Variants in RAB3GAP2 observed in about 807,000 individuals in gnomAD.
The protein encoded by RAB3GAP2 is rab3 GTPase-activating protein non-catalytic subunit.
RAB3GAP2 carries 87 observed loss-of-function variants against 185.3 expected under a neutral mutation model. That is an observed-to-expected ratio of 0.47 (90% CI 0.39 to 0.56). RAB3GAP2 has a LOEUF of 0.56. Among genes scored for constraint, RAB3GAP2 ranks in the 20% least tolerant of loss-of-function variants. The pLI is 0.00. For missense variants in RAB3GAP2, 1,492 were observed against 1,638.2 expected, an observed-to-expected ratio of 0.91 and a Z score of 1.54; for synonymous variants, 554 against 576.1, an observed-to-expected ratio of 0.96 and a Z score of 0.55.
intron 1 of RAB3GAP2, chr1:220,267,730 T>G: frequency 6.4e-7 from 1 of 1,568,846 alleles, no homozygotes; most frequent in Non-Finnish European, 8.8e-7. Flanking sequence ...GAGACAAGCT[T>G]TTGTGCTTGC....
chr1:220,157,470 C>A lies in RAB3GAP2; in HGVS notation c.3355G>T (p.Glu1119Ter). 6.2e-7 allele frequency: 1 copy of A among 1,613,518 alleles called. No individual in the cohort carries two copies. Among genetic ancestry groups the A allele is most frequent in the Non-Finnish European group, 8.5e-7 (1 of 1,180,006 alleles). ...GTATCCAGCACAGGCACCTGTATTT[C>A]ATCCCTGCTAACATCTGCCTAAGGG... ...ILMEADVSRD[E>*]IQVPVLDTED... Residue 1119 changes from glutamate to a stop codon, truncating the protein, a stop_gained, in exon 31 of 35, where the codon GAA becomes TAA. Transcript: ENST00000358951. LOFTEE classifies it high-confidence loss of function.
intron 1 of RAB3GAP2, chr1:220,267,181 T>TA: frequency 2.0e-6 from 2 of 1,022,114 alleles, no homozygotes; most frequent in Non-Finnish European, 3.1e-6. Context: ...TGAATGACAG[T>TA]AAGACAGGGC....
At chr1:220,258,488 C>T (rs553547692) in intron 1 of RAB3GAP2, among the ~76,000 whole-genome samples, 2 of 152,304 alleles carry the variant, frequency 1.3e-5, no homozygotes, top group East Asian at 3.9e-4. Flanking sequence ...CAAAAAACCA[C>T]ATGAATACCT....
chr1:220,166,672 G>A (rs1351898277), intron 26 of RAB3GAP2, among the ~76,000 whole-genome samples: 7 of 152,156 alleles, frequency 4.6e-5, no homozygotes, highest in African/African-American at 1.2e-4. Context: ...AGTGGCTACC[G>A]AAAGCAATAG....
At chr1:220,179,395 A>G (rs1450152834) in intron 21 of RAB3GAP2, among the ~76,000 whole-genome samples, 2 of 152,224 alleles carry the variant, frequency 1.3e-5, no homozygotes, top group African/African-American at 4.8e-5. Flanking sequence ...ATAGATCTAA[A>G]GGGAGAGACA....
chr1:220,171,861 G>C lies in RAB3GAP2; in HGVS notation c.2577+28C>G, dbSNP rs902621467. On this transcript the variant is annotated intron_variant, in intron 23 of 34. Transcript: ENST00000358951. ...CCCCTTAGCCTACTGGATGTGTACA[G>C]ATCAAAGCCATACCTTTACCCACTT... The C allele has an allele frequency of 2.5e-6, 4 of 1,613,824 alleles. No homozygotes were observed. In the African/African-American group the frequency reaches 5.3e-5, roughly 22 times the overall value.
chr1:220,155,484 C>T (rs575193662), intron 31 of RAB3GAP2, among the ~76,000 whole-genome samples: 45 of 152,304 alleles, frequency 3.0e-4, no homozygotes, highest in African/African-American at 9.9e-4. Flanking sequence ...ATCTGTTACT[C>T]GATAGTTCCC....
intron 1 of RAB3GAP2, among the ~76,000 whole-genome samples, chr1:220,249,230 G>A (rs1398429310): frequency 2.0e-5 from 3 of 152,110 alleles, no homozygotes; most frequent in Non-Finnish European, 2.9e-5. Flanking sequence ...AGGAAGAGGT[G>A]GGAAAGTTTG....
intron 1 of RAB3GAP2, among the ~76,000 whole-genome samples, chr1:220,236,179 T>A (rs965291232): frequency 2.6e-5 from 4 of 151,862 alleles, no homozygotes; most frequent in Non-Finnish European, 4.4e-5. Flanking sequence ...TATTTTTATT[T>A]TTTATTTATT....
At chr1:220,193,156 C>G (rs1231382886) in intron 13 of RAB3GAP2, 84 bp downstream of exon 13, 1 of 1,526,344 alleles carries the variant, frequency 6.6e-7, no homozygotes, top group Non-Finnish European at 9.0e-7. Flanking sequence ...GAGTTATCAT[C>G]CAGAAGCTGA....
Position 220,159,932 on chromosome 1 carries a change from A to C in RAB3GAP2, c.3226-511T>G, listed in dbSNP as rs12568807. ...CTCGGGAGGCTGAGGCAGGGGAATC[A>C]CTTGAACTCAGGAGGTAGAGGTTGC... On this transcript the variant is annotated intron_variant, in intron 28 of 34. Transcript: ENST00000358951. Among the ~76,000 whole-genome samples the C allele has an allele frequency of 5.6e-3, 850 of 152,008 alleles. 28 individuals carry two copies. Among genetic ancestry groups the C allele is most frequent in the East Asian group, 0.053 (275 of 5,150 alleles).
chr1:220,156,054 G>A (rs1397144838), intron 31 of RAB3GAP2, among the ~76,000 whole-genome samples: 3 of 151,670 alleles, frequency 2.0e-5, no homozygotes, highest in Non-Finnish European at 4.4e-5. Flanking sequence ...AGGTTCAAGC[G>A]ATTATCCTGC....
chr1:220,180,058 A>T (rs1658372331), intron 21 of RAB3GAP2, among the ~76,000 whole-genome samples: 2 of 152,130 alleles, frequency 1.3e-5, no homozygotes, highest in African/African-American at 2.4e-5. Flanking sequence ...GCTACTCAGG[A>T]GGCTGAGGCA....
chr1:220,186,136 T>G (rs1420195437), intron 17 of RAB3GAP2, among the ~76,000 whole-genome samples: 1 of 152,132 alleles, frequency 6.6e-6, no homozygotes, highest in Non-Finnish European at 1.5e-5. Context: ...GCCAAAAACT[T>G]AGTTATACCT....
intron 27 of RAB3GAP2, among the ~76,000 whole-genome samples, chr1:220,163,563 CATG>C (rs1571876828): frequency 1.3e-5 from 2 of 151,000 alleles, no homozygotes; most frequent in African/African-American, 4.9e-5. Flanking sequence ...AGGGTTTCAC[CATG>C]TTAGCCAGGA....
At chr1:220,246,690 T>C (rs1454705103) in intron 1 of RAB3GAP2, among the ~76,000 whole-genome samples, 2 of 132,236 alleles carry the variant, frequency 1.5e-5, no homozygotes, top group East Asian at 2.3e-4. Flanking sequence ...AAACACCGCA[T>C]ATTCTCACTC....
rs375262214 is a variant in RAB3GAP2, at chr1:220,196,277, T to G, written c.933A>C (p.Pro311=). 1.2e-6 allele frequency: 2 copies of G among 1,613,432 alleles called. No homozygotes were observed. The highest frequency in any genetic ancestry group is 3.3e-5 in the Admixed American group (2 of 59,996). Residue 311 remains proline, a synonymous_variant, in exon 10 of 35, where the codon CCA becomes CCC. Transcript: ENST00000358951. ...MSQYITVGSN[P]FTGFFYALEG... is the part of the protein sequence containing the mutation. ...CTAAAGCATAGAAGAAGCCAGTAAA[T>G]GGATTGGACCCTACAGTGATATACT... is the stretch of plus-strand genomic sequence containing the variant.
chr1:220,234,363 T>C (rs1659555500), intron 1 of RAB3GAP2, among the ~76,000 whole-genome samples: 1 of 152,230 alleles, frequency 6.6e-6, no homozygotes, highest in Non-Finnish European at 1.5e-5. Flanking sequence ...GTTTTAAAGG[T>C]TGCTGAAATC....
chr1:220,182,477 G>T, intron 20 of RAB3GAP2, 123 bp from the exon 21 acceptor site: 3 of 1,513,300 alleles, frequency 2.0e-6, no homozygotes, highest in East Asian at 2.4e-5. Context: ...GAAATTAATT[G>T]TTCAATTTGC....
Sources: gnomAD v4.1 joint callset for allele counts (sites outside exome capture counted in the v4.1 genomes callset) on GRCh38, gnomAD v4.1.1 for gene constraint, MANE v1.5 for transcripts, NCBI Gene and HGNC (gene_info 2026-07-23, HGNC 2026-07-21) for gene names.